RNF13: variants seen among roughly 807,000 people sequenced by gnomAD.
The protein encoded by RNF13 is ring finger protein 13.
A neutral mutation model predicts 37.7 loss-of-function variants in RNF13; 19 were observed. The observed-to-expected ratio is 0.50, with a 90% confidence interval of 0.35 to 0.74. RNF13 has a LOEUF of 0.74. Ranked by LOEUF, RNF13 falls within the 30% of genes least tolerant of loss-of-function variation. The probability of loss-of-function intolerance (pLI) is 0.01; values close to 1 mark genes in which losing one functional copy is unlikely to be tolerated. For missense variants in RNF13, 375 were observed against 453.0 expected, an observed-to-expected ratio of 0.83 and a Z score of 1.56; for synonymous variants, 144 against 157.8, an observed-to-expected ratio of 0.91 and a Z score of 0.65.
chr3:149,916,050 C>T (rs186448107), intron 7 of RNF13, among the ~76,000 whole-genome samples: 29 of 151,830 alleles, frequency 1.9e-4, no homozygotes, highest in Admixed American at 1.8e-3. Flanking sequence ...AAATTATAGC[C>T]TCATAAAACT....
intron 4 of RNF13, among the ~76,000 whole-genome samples, chr3:149,885,644 A>G (rs969577352): frequency 9.9e-5 from 15 of 152,000 alleles, no homozygotes; most frequent in African/African-American, 3.6e-4. Flanking sequence ...TCCTTTTCAG[A>G]TGGGTAGTTT....
At chr3:149,922,595 C>A (rs1718256797) in intron 8 of RNF13, among the ~76,000 whole-genome samples, 2 of 152,166 alleles carry the variant, frequency 1.3e-5, no homozygotes, top group African/African-American at 2.4e-5. Flanking sequence ...CCTATTCTGT[C>A]TCCCACAATA....
intron 3 of RNF13, among the ~76,000 whole-genome samples, chr3:149,862,066 A>G (rs1014698213): frequency 6.6e-6 from 1 of 152,102 alleles, no homozygotes; most frequent in Non-Finnish European, 1.5e-5. Context: ...TTATTTTGCA[A>G]CTTAAAAAAA....
At chr3:149,865,790 T>C (rs1724752871) in intron 3 of RNF13, among the ~76,000 whole-genome samples, 2 of 152,194 alleles carry the variant, frequency 1.3e-5, no homozygotes. Context: ...TTGAAATCTT[T>C]ATGCTTTTTT....
intron 1 of RNF13, among the ~76,000 whole-genome samples, chr3:149,826,701 C>T (rs550883476): frequency 1.3e-5 from 2 of 152,268 alleles, no homozygotes; most frequent in African/African-American, 4.8e-5. Context: ...ATAAAAACCG[C>T]AGAGTCCCAC....
intron 8 of RNF13, among the ~76,000 whole-genome samples, chr3:149,946,016 C>T (rs951439376): frequency 1.3e-5 from 2 of 152,188 alleles, no homozygotes; most frequent in Non-Finnish European, 2.9e-5. Context: ...GCGCCTCTCC[C>T]CCTCCAAAGG....
chr3:149,926,875 C>CT (rs1256302557), intron 8 of RNF13, among the ~76,000 whole-genome samples: 2 of 151,990 alleles, frequency 1.3e-5, no homozygotes, highest in Non-Finnish European at 2.9e-5. Context: ...AGTCTTCCCA[C>CT]TTTGTTTTTT....
intron 5 of RNF13, among the ~76,000 whole-genome samples, chr3:149,898,716 T>C (rs1715515528): frequency 6.6e-6 from 1 of 152,178 alleles, no homozygotes; most frequent in Non-Finnish European, 1.5e-5. Flanking sequence ...ATTATTATCA[T>C]TTTATTGCAT....
At chr3:149,875,805 C>T (rs1559922644) in intron 4 of RNF13, among the ~76,000 whole-genome samples, 1 of 22,258 alleles carries the variant, frequency 4.5e-5, no homozygotes, top group Non-Finnish European at 8.7e-5. Context: ...CACTGTTTTA[C>T]AAAAACTGTA....
intron 4 of RNF13, among the ~76,000 whole-genome samples, chr3:149,875,732 A>G (rs1712604879): frequency 6.6e-6 from 1 of 152,234 alleles, no homozygotes; most frequent in Admixed American, 6.5e-5. Context: ...TAGAATATCC[A>G]AAAAGCCAGT....
chr3:149,824,330 A>T (rs1471442581), intron 1 of RNF13, among the ~76,000 whole-genome samples: 1 of 152,246 alleles, frequency 6.6e-6, no homozygotes, highest in Non-Finnish European at 1.5e-5. Context: ...AACTTTGCAG[A>T]TGTGATTAAG....
At chr3:149,941,609 A>G (rs1418841360) in intron 8 of RNF13, among the ~76,000 whole-genome samples, 1 of 150,838 alleles carries the variant, frequency 6.6e-6, no homozygotes, top group African/African-American at 2.4e-5. Flanking sequence ...AATCAGATAC[A>G]TGTGTTGCAG....
At chr3:149,825,407 G>C (rs1006118021) in intron 1 of RNF13, among the ~76,000 whole-genome samples, 13 of 152,174 alleles carry the variant, frequency 8.5e-5, no homozygotes, top group African/African-American at 3.1e-4. Flanking sequence ...CAGGTGATCC[G>C]CCTGCCTCGG....
chr3:149,938,683 A>G (rs891966093), intron 8 of RNF13, among the ~76,000 whole-genome samples: 2 of 151,930 alleles, frequency 1.3e-5, no homozygotes, highest in East Asian at 1.9e-4. Context: ...TTACTTTATT[A>G]AAATACTGAG....
At chr3:149,912,830 G>T (rs1364316473) in intron 7 of RNF13, among the ~76,000 whole-genome samples, 1 of 152,074 alleles carries the variant, frequency 6.6e-6, no homozygotes, top group Non-Finnish European at 1.5e-5. Flanking sequence ...AAATTATTAT[G>T]TAATAATATT....
At chr3:149,824,154 A>G (rs572567114) in intron 1 of RNF13, among the ~76,000 whole-genome samples, 1 of 152,388 alleles carries the variant, frequency 6.6e-6, no homozygotes, top group East Asian at 1.9e-4. Context: ...CCATTGAATA[A>G]AACAGTAATC....
At chr3:149,890,951 G>T (rs1475804578) in intron 4 of RNF13, among the ~76,000 whole-genome samples, 1 of 152,096 alleles carries the variant, frequency 6.6e-6, no homozygotes, top group African/African-American at 2.4e-5. Flanking sequence ...TTCTTGGCTT[G>T]TGTTGTTTTG....
intron 1 of RNF13, among the ~76,000 whole-genome samples, chr3:149,823,111 G>A (rs1254475743): frequency 6.6e-6 from 1 of 151,960 alleles, no homozygotes; most frequent in Non-Finnish European, 1.5e-5. Context: ...CTATTTAAGA[G>A]GTAAGTATTA....
chr3:149,961,183 G>T lies in RNF13; in HGVS notation c.*79G>T. The T allele has an allele frequency of 8.0e-7, 1 of 1,253,438 alleles. No individual in the cohort carries two copies. Among genetic ancestry groups the T allele is most frequent in the African/African-American group, 1.5e-5 (1 of 66,678 alleles). The allele number at this position is 1,253,438 out of a possible 1,614,324, so 77.6% of individuals were successfully genotyped here. A position where few individuals can be genotyped will look rare whatever the true frequency, so the allele number is the denominator to read the frequency against. The stretch of plus-strand genomic sequence containing the variant: ...AATTTGATTTTTTGCTCCCTTCAAA[G>T]ATTTCTGTAGAAATAACTTATTTTT... On this transcript the variant is annotated 3_prime_UTR_variant, in exon 10 of 10. Coordinates refer to ENST00000392894, the MANE Select transcript of RNF13 (RefSeq NM_183381.3).
Sources: gnomAD v4.1 joint callset for allele counts (sites outside exome capture counted in the v4.1 genomes callset) on GRCh38, gnomAD v4.1.1 for gene constraint, MANE v1.5 for transcripts, NCBI Gene and HGNC (gene_info 2026-07-23, HGNC 2026-07-21) for gene names.